Variants in MPPED1 observed in about 807,000 individuals in gnomAD.
The protein encoded by MPPED1 is metallophosphoesterase domain-containing protein 1.
Under a neutral mutation model 36.2 loss-of-function variants are expected in MPPED1, and 16 were observed. That is an observed-to-expected ratio of 0.44 (90% CI 0.30 to 0.67). The LOEUF is 0.67. MPPED1 is among the 30% of genes least tolerant of loss of function. MPPED1 has a pLI of 0.10. For synonymous variants in MPPED1, 199 were observed against 191.3 expected, an observed-to-expected ratio of 1.04 and a Z score of -0.33; for missense variants, 307 against 453.4, an observed-to-expected ratio of 0.68 and a Z score of 2.93.
chr22:43,490,639 A>G (rs1422398958), intron 4 of MPPED1, among the ~76,000 whole-genome samples: 1 of 152,096 alleles, frequency 6.6e-6, no homozygotes, highest in Non-Finnish European at 1.5e-5. Flanking sequence ...TTCTCTCCAT[A>G]CTGATGAGGC....
At chr22:43,422,420 G>A (rs1277523329) in intron 1 of MPPED1, among the ~76,000 whole-genome samples, 4 of 152,176 alleles carry the variant, frequency 2.6e-5, no homozygotes, top group Non-Finnish European at 5.9e-5. Flanking sequence ...AGAGGCCACC[G>A]GGGGCCGGCC....
Position 43,505,785 on chromosome 22 carries a change from T to A in MPPED1, c.*169T>A. ...CTCTTTAGCCTTCTGTCACCTGGAGTTGGGACCCTGCGCATCCCCATCAGG... is the reference window on the plus strand; with the variant it reads ...CTCTTTAGCCTTCTGTCACCTGGAGATGGGACCCTGCGCATCCCCATCAGG... On this transcript the variant is annotated 3_prime_UTR_variant, in exon 7 of 7. Transcript: ENST00000443721. 3.3e-6 allele frequency: 2 copies of A among 602,692 alleles called. No individual in the cohort carries two copies. The highest frequency in any genetic ancestry group is 4.1e-5 in the South Asian group (2 of 48,318). The allele number at this position is 602,692 out of a possible 1,614,324, so 37.3% of individuals were successfully genotyped here.
At chr22:43,461,050 G>C (rs935556447) in intron 3 of MPPED1, among the ~76,000 whole-genome samples, 1 of 152,174 alleles carries the variant, frequency 6.6e-6, no homozygotes, top group Non-Finnish European at 1.5e-5. Flanking sequence ...CATTGAGCAA[G>C]CTCTGAGTCA....
chr22:43,470,286 CCATCCATT>C (rs1931329610), intron 3 of MPPED1, among the ~76,000 whole-genome samples: 1 of 136,480 alleles, frequency 7.3e-6, no homozygotes, highest in African/African-American at 3.3e-5. Flanking sequence ...TATCTATAAA[CCATCCATT>C]CATCCATCCA....
At chr22:43,424,729 C>A (rs1929398044) in intron 1 of MPPED1, among the ~76,000 whole-genome samples, 179 bp from the exon 2 acceptor site, 1 of 151,240 alleles carries the variant, frequency 6.6e-6, no homozygotes, top group Non-Finnish European at 1.5e-5. Context: ...TTCTTTTTAC[C>A]AAAGTATATT....
chr22:43,485,902 G>T (rs759627612), intron 4 of MPPED1, among the ~76,000 whole-genome samples: 1 of 152,242 alleles, frequency 6.6e-6, no homozygotes, highest in South Asian at 2.1e-4. Context: ...CTTTGGGGAC[G>T]CGTTGCCAGC....
At chr22:43,470,890 C>G (rs1043685897) in intron 3 of MPPED1, among the ~76,000 whole-genome samples, 3 of 152,248 alleles carry the variant, frequency 2.0e-5, no homozygotes, top group African/African-American at 7.2e-5. Context: ...TGGACAGTTT[C>G]TGTGTTCATA....
chr22:43,492,891 C>T (rs1043336572), intron 4 of MPPED1, among the ~76,000 whole-genome samples: 11 of 152,132 alleles, frequency 7.2e-5, no homozygotes, highest in Non-Finnish European at 1.6e-4. Flanking sequence ...TGAGGGGGAT[C>T]GGTTTCAGCT....
At chr22:43,458,842 A>G (rs1930846461) in intron 3 of MPPED1, among the ~76,000 whole-genome samples, 1 of 152,148 alleles carries the variant, frequency 6.6e-6, no homozygotes, top group Non-Finnish European at 1.5e-5. Flanking sequence ...TAGCGTTTGT[A>G]TATCCCACTG....
chr22:43,435,277 C>G, intron 3 of MPPED1, 62 bp downstream of exon 3: 2 of 1,516,744 alleles, frequency 1.3e-6, no homozygotes, highest in Non-Finnish European at 1.8e-6. Flanking sequence ...CCCGCCAGCT[C>G]CCGAGGCTGC....
intron 4 of MPPED1, among the ~76,000 whole-genome samples, chr22:43,487,678 C>T (rs1219115846): frequency 1.3e-5 from 2 of 152,174 alleles, no homozygotes; most frequent in Admixed American, 6.5e-5. Context: ...AGAGGGAGAG[C>T]CTGTGGCCTG....
intron 1 of MPPED1, among the ~76,000 whole-genome samples, chr22:43,415,225 CA>C (rs34357060): frequency 0.16 from 7,828 of 49,314 alleles, 400 homozygotes; most frequent in African/African-American, 0.34. Flanking sequence ...ATGTCAAAAG[CA>C]AAAAAAAAAA....
At chr22:43,470,083 CCATCCATCCATCCATCCATAAAT>C (rs1010932810) in intron 3 of MPPED1, among the ~76,000 whole-genome samples, 2 of 67,626 alleles carry the variant, frequency 3.0e-5, no homozygotes, top group Non-Finnish European at 4.2e-5. Context: ...ATCCAGCCAC[CCATCCATCCATCCATCCATAAAT>C]CATCCATCCA....
intron 5 of MPPED1, among the ~76,000 whole-genome samples, chr22:43,500,554 C>T (rs1436881628): frequency 6.6e-6 from 1 of 151,820 alleles, no homozygotes; most frequent in Non-Finnish European, 1.5e-5. Flanking sequence ...CCATGCCACC[C>T]CTCTGTGACC....
intron 4 of MPPED1, among the ~76,000 whole-genome samples, chr22:43,495,681 AGAT>A (rs1171042705): frequency 2.4e-4 from 7 of 29,588 alleles, no homozygotes; most frequent in African/African-American, 8.4e-4. Flanking sequence ...GTGGTGGTGG[AGAT>A]GGTGGTGGTG....
chr22:43,493,750 C>T (rs1932172909), intron 4 of MPPED1, among the ~76,000 whole-genome samples: 1 of 152,190 alleles, frequency 6.6e-6, no homozygotes, highest in Non-Finnish European at 1.5e-5. Flanking sequence ...TATTTTCCCA[C>T]CCCTGGTCCT....
rs1341746634 is a variant in MPPED1, at chr22:43,502,850, T to G, written c.862+93T>G. 9.5e-7 allele frequency: 1 copy of G among 1,049,344 alleles called. No homozygotes were observed. The highest frequency in any genetic ancestry group is 1.6e-5 in the African/African-American group (1 of 63,850). 65.0% of individuals were successfully genotyped at this position (1,049,344 alleles called of 1,614,324 possible). A position where few individuals can be genotyped will look rare whatever the true frequency, so the allele number is the denominator to read the frequency against. On this transcript the variant is annotated intron_variant, in intron 6 of 6. Coordinates refer to ENST00000443721, the MANE Select transcript of MPPED1 (RefSeq NM_001044370.2). This position sits in a 1 kb window ranked among gnomAD's most constrained non-coding sequence, Gnocchi z 5.5. ...CCCCTTCGTTCAGCCAGAAGGGAAA[T>G]AAATAGCCCATTCCTACTGTTCGCT...
At chr22:43,428,771 C>T (rs1213827865) in intron 2 of MPPED1, among the ~76,000 whole-genome samples, 1 of 151,972 alleles carries the variant, frequency 6.6e-6, no homozygotes, top group Non-Finnish European at 1.5e-5. Context: ...GGAGCTGGGC[C>T]TCTAGGTTGT....
At chr22:43,477,436 C>T (rs1262837602) in intron 4 of MPPED1, among the ~76,000 whole-genome samples, 1 of 152,190 alleles carries the variant, frequency 6.6e-6, no homozygotes, top group East Asian at 1.9e-4. Context: ...GCTGTGGTGC[C>T]ACGGAATGGA....
Sources: gnomAD v4.1 joint callset for allele counts (sites outside exome capture counted in the v4.1 genomes callset) on GRCh38, gnomAD v4.1.1 for gene constraint, Gnocchi (gnomAD v3.1) non-coding constraint, MANE v1.5 for transcripts, NCBI Gene and HGNC (gene_info 2026-07-23, HGNC 2026-07-21) for gene names.